The following TSHZ3 variants were observed in gnomAD, a reference collection of about 807,000 sequenced individuals.
TSHZ3 encodes teashirt zinc finger homeobox 3.
A neutral mutation model predicts 64.5 loss-of-function variants in TSHZ3; 10 were observed. The observed-to-expected ratio is 0.16, with a 90% CI of 0.10 to 0.26. The LOEUF is 0.26. Ranked by LOEUF, TSHZ3 falls within the 10% of genes least tolerant of loss-of-function variation. TSHZ3 has a pLI of 1.00. For synonymous variants in TSHZ3, 608 were observed against 593.1 expected (o/e 1.03, Z -0.36); for missense variants, 1,242 against 1,421.7 (o/e 0.87, Z 2.03).
chr19:31,267,160 T>C (rs1976064473), intron 1 of TSHZ3, among the ~76,000 whole-genome samples: 1 of 152,196 alleles, frequency 6.6e-6, no homozygotes, highest in South Asian at 2.1e-4. Flanking sequence ...CTTAGGAATT[T>C]TCTTCTTGTT....
chr19:31,301,771 GC>G (rs1365320386), intron 1 of TSHZ3, among the ~76,000 whole-genome samples: 1 of 152,126 alleles, frequency 6.6e-6, no homozygotes, highest in Non-Finnish European at 1.5e-5. Flanking sequence ...GATGATGGCA[GC>G]CAGCATGCTT....
intron 3 of TSHZ3, among the ~76,000 whole-genome samples, chr19:31,235,828 C>T (rs1975607504): frequency 6.6e-6 from 1 of 150,952 alleles, no homozygotes; most frequent in Admixed American, 6.6e-5. Context: ...CTCATGCATG[C>T]CTCAGCCTCC....
intron 1 of TSHZ3, among the ~76,000 whole-genome samples, chr19:31,295,283 G>A (rs958424532): frequency 3.3e-5 from 5 of 152,160 alleles, no homozygotes; most frequent in Admixed American, 1.3e-4. Flanking sequence ...TACTCTGTGT[G>A]ACCTGGCAAT....
At position 31,349,209 on chromosome 19, in the gene TSHZ3, C is replaced by T; in HGVS notation, c.11G>A (p.Arg4Lys). 6.5e-7 allele frequency: 1 copy of T among 1,541,606 alleles called. No individual in the cohort carries two copies. Among genetic ancestry groups the T allele is most frequent in the South Asian group, 1.2e-5 (1 of 83,040 alleles). The change falls in exon 1 of 2, where the codon AGG (arginine) becomes AAG (lysine). Residue 4 changes from arginine to lysine, a missense_variant. Around this residue, in one of 4 missense-constraint regions of TSHZ3, gnomAD observed 555 missense variants for 704.0 expected, o/e 0.79. Coordinates refer to ENST00000240587, the MANE Select transcript of TSHZ3 (RefSeq NM_020856.4). The part of the protein sequence containing the change: MPR[R>K]KQQAPRRAAA... The stretch of plus-strand genomic sequence containing the variant: ...TGCGCGCCGGGGCGCCTGCTGCTTC[C>T]TCCTCGGCATGATGCTTCTCCGGCG...
At chr19:31,311,146 C>G (rs1916446129) in intron 1 of TSHZ3, among the ~76,000 whole-genome samples, 4 of 152,220 alleles carry the variant, frequency 2.6e-5, no homozygotes. Context: ...AGTAGCAAGT[C>G]AGACAGACTC....
chr19:31,287,103 G>A (rs980232133), intron 1 of TSHZ3, among the ~76,000 whole-genome samples: 3 of 152,162 alleles, frequency 2.0e-5, no homozygotes, highest in Non-Finnish European at 4.4e-5. Flanking sequence ...AGTGTTGGCT[G>A]GGACCTGCAC....
At chr19:31,335,226 G>C (rs1221597255) in intron 1 of TSHZ3, among the ~76,000 whole-genome samples, 1 of 152,082 alleles carries the variant, frequency 6.6e-6, no homozygotes, top group Non-Finnish European at 1.5e-5. Flanking sequence ...CTTCCCCGAC[G>C]AACCGCCACA....
chr19:31,221,632 C>T (rs1975395611), intron 4 of TSHZ3, among the ~76,000 whole-genome samples: 1 of 152,200 alleles, frequency 6.6e-6, no homozygotes, highest in South Asian at 2.1e-4. Flanking sequence ...CTCCCCTCTC[C>T]TGTAATGCTT....
chr19:31,231,370 C>T (rs1417732662), intron 3 of TSHZ3, among the ~76,000 whole-genome samples: 1 of 152,096 alleles, frequency 6.6e-6, no homozygotes, highest in Non-Finnish European at 1.5e-5. Flanking sequence ...TGATTAGGTG[C>T]TTACAGGAGC....
downstream of TSHZ3, among the ~76,000 whole-genome samples, chr19:31,271,514 T>A (rs1301631817): frequency 1.3e-5 from 2 of 152,202 alleles, no homozygotes; most frequent in Non-Finnish European, 2.9e-5. Flanking sequence ...ACAGAGGAGC[T>A]TGTCTTCCCT....
chr19:31,344,987 A>G (rs1917542305), intron 1 of TSHZ3, among the ~76,000 whole-genome samples: 1 of 152,186 alleles, frequency 6.6e-6, no homozygotes, highest in South Asian at 2.1e-4. Context: ...ACAGCTCACA[A>G]TCAAGTGTGG....
chr19:31,190,832 G>T (rs1427910402), intron 5 of TSHZ3, among the ~76,000 whole-genome samples: 1 of 152,026 alleles, frequency 6.6e-6, no homozygotes, highest in Non-Finnish European at 1.5e-5. Flanking sequence ...ATGAGTGAAT[G>T]AGTGGGAAAT....
At chr19:31,168,571 T>C (rs572822318) in intron 5 of TSHZ3, among the ~76,000 whole-genome samples, 1 of 152,314 alleles carries the variant, frequency 6.6e-6, no homozygotes, top group East Asian at 1.9e-4. Flanking sequence ...CTCTGAAGAT[T>C]GAAGCGTATT....
At chr19:31,269,252 C>A (rs2145204610) in intron 1 of TSHZ3, among the ~76,000 whole-genome samples, 1 of 152,248 alleles carries the variant, frequency 6.6e-6, no homozygotes, top group South Asian at 2.1e-4. Flanking sequence ...ATCCAAACTC[C>A]ACCAATATAC....
chr19:31,183,212 CTCTCTCTCTCTCTCTT>C (rs879827491), intron 5 of TSHZ3, among the ~76,000 whole-genome samples: 200 of 94,300 alleles, frequency 2.1e-3, no homozygotes, highest in African/African-American at 9.1e-3. Flanking sequence ...CTCTCTCTCT[CTCTCTCTCTCTCTCTT>C]TCTCTCTCTC....
chr19:31,228,442 C>T (rs990545538), intron 3 of TSHZ3, among the ~76,000 whole-genome samples: 2 of 149,452 alleles, frequency 1.3e-5, no homozygotes, highest in Admixed American at 1.3e-4. Flanking sequence ...GGGAGGATCA[C>T]ATGAGCCCCG....
intron 5 of TSHZ3, among the ~76,000 whole-genome samples, chr19:31,157,488 C>T: frequency 6.6e-6 from 1 of 152,102 alleles, no homozygotes; most frequent in Non-Finnish European, 1.5e-5. Flanking sequence ...AACCTAAATG[C>T]CTGGAAGTAG....
intron 5 of TSHZ3, among the ~76,000 whole-genome samples, chr19:31,172,837 G>T (rs1244098530): frequency 1.3e-5 from 2 of 152,196 alleles, no homozygotes; most frequent in Admixed American, 6.5e-5. Context: ...TAGAAGAAGA[G>T]AATCTTAGGG....
intron 4 of TSHZ3, among the ~76,000 whole-genome samples, chr19:31,222,005 A>G (rs575280565): frequency 1.6e-4 from 24 of 152,240 alleles, no homozygotes; most frequent in African/African-American, 5.3e-4. Flanking sequence ...GTTGGAGCTC[A>G]TGGTCCCCTG....
Sources: allele counts gnomAD v4.1 joint callset (sites outside exome capture counted in the v4.1 genomes callset), GRCh38; gene constraint gnomAD v4.1.1; regional missense constraint gnomAD v4.1.1; transcripts MANE v1.5; gene names NCBI Gene and HGNC (gene_info 2026-07-23, HGNC 2026-07-21).